The following SUN5 variants were observed in gnomAD, a reference collection of about 807,000 sequenced individuals.
The protein encoded by SUN5 is SUN domain-containing protein 5.
A neutral mutation model predicts 53.7 loss-of-function variants in SUN5; 44 were observed. The observed-to-expected ratio is 0.82, with a 90% confidence interval of 0.64 to 1.05. SUN5 has a LOEUF of 1.05. Among genes scored for constraint, SUN5 ranks in the 50% least tolerant of loss-of-function variants. SUN5 has a pLI of 0.00. For synonymous variants in SUN5, 166 were observed against 179.8 expected (o/e 0.92, Z 0.62); for missense variants, 433 against 483.8 (o/e 0.90, Z 0.98).
chr20:32,996,313 A>G lies in SUN5; in HGVS notation c.425+11T>C, dbSNP rs369447736. 1 of 1,612,788 alleles carries G rather than the reference A, an allele frequency of 6.2e-7. No individual in the cohort carries two copies. Among genetic ancestry groups the G allele is most frequent in the Non-Finnish European group, 8.5e-7 (1 of 1,179,124 alleles). ...AGGTAATAATATGGTTACCCAGAAG[A>G]TTCCTCTTACCTCAAGCTCTGCAGT... On this transcript the variant is annotated intron_variant, in intron 7 of 12. Transcript: ENST00000356173.
chr20:32,988,018 C>T (rs1340778641), intron 9 of SUN5, among the ~76,000 whole-genome samples: 2 of 152,008 alleles, frequency 1.3e-5, no homozygotes, highest in Non-Finnish European at 2.9e-5. Context: ...ATTGCAGTGG[C>T]GCGATCTTGG....
chr20:33,001,134 A>G, intron 4 of SUN5, 78 bp downstream of exon 4: 1 of 1,495,698 alleles, frequency 6.7e-7, no homozygotes, highest in Non-Finnish European at 9.1e-7. Flanking sequence ...GGAGATCCAA[A>G]CTGATGGAGG....
Position 33,004,302 on chromosome 20 carries a change from G to A in SUN5, c.39C>T (p.Ala13=). The A allele has an allele frequency of 6.3e-7, 1 of 1,578,430 alleles. No individual in the cohort carries two copies. The highest frequency in any genetic ancestry group is 8.6e-7 in the Non-Finnish European group (1 of 1,161,500). The change falls in exon 1 of 13, where the codon GCC becomes GCT. Residue 13 remains alanine, a synonymous_variant. Transcript: ENST00000356173. ...GATTGTGGGCCACATCTTCGAGTAG[G>A]GCGCCTGGGTCCCCAGGGCTCCTTG... The part of the protein sequence containing the change: ...RSSRSPGDPG[A]LLEDVAHNPR...
intron 5 of SUN5, among the ~76,000 whole-genome samples, chr20:32,998,589 G>C (rs1213549458): frequency 1.3e-5 from 2 of 152,188 alleles, no homozygotes; most frequent in East Asian, 1.9e-4. Context: ...TCCATGAAGA[G>C]CTCACAGCTC....
At chr20:33,004,135 C>T (rs1007922017) in intron 1 of SUN5, 129 bp downstream of exon 1, 10 of 1,022,258 alleles carry the variant, frequency 9.8e-6, no homozygotes, top group Middle Eastern at 3.4e-4. Context: ...ACTGCCAAAC[C>T]TCTCTGGTCT....
chr20:32,995,297 A>C (rs1989816728), intron 8 of SUN5, among the ~76,000 whole-genome samples: 1 of 152,248 alleles, frequency 6.6e-6, no homozygotes, highest in African/African-American at 2.4e-5. Context: ...ATCAATAATA[A>C]GAGTGCCATT....
chr20:33,004,323 C>T lies in SUN5; in HGVS notation c.18G>A (p.Arg6=). The change falls in exon 1 of 13, where the codon AGG becomes AGA. Residue 6 remains arginine, a synonymous_variant. Transcript: ENST00000356173. MPRSS[R]SPGDPGALLE... is the part of the protein sequence containing the mutation. ...GTAGGGCGCCTGGGTCCCCAGGGCT[C>T]CTTGAGGACCGTGGCATCGATTTCC... 6.4e-7 allele frequency: 1 copy of T among 1,570,026 alleles called. No individual in the cohort carries two copies. The highest frequency in any genetic ancestry group is 8.6e-7 in the Non-Finnish European group (1 of 1,157,170).
At chr20:32,998,577 C>A (rs754051132) in intron 5 of SUN5, among the ~76,000 whole-genome samples, 1 of 152,122 alleles carries the variant, frequency 6.6e-6, no homozygotes, top group African/African-American at 2.4e-5. Context: ...TGATAAAGAC[C>A]ATCCATGAAG....
At chr20:33,003,029 C>T (rs1188714095) in intron 1 of SUN5, 110 bp from the exon 2 acceptor site, 2 of 1,207,260 alleles carry the variant, frequency 1.7e-6, no homozygotes, top group Admixed American at 1.9e-5. Context: ...GAGAAGGTTT[C>T]CCAACACCAC....
intron 3 of SUN5, among the ~76,000 whole-genome samples, chr20:33,002,036 G>C (rs1990064315): frequency 6.6e-6 from 1 of 152,202 alleles, no homozygotes; most frequent in Non-Finnish European, 1.5e-5. Context: ...CTTGGCAAGA[G>C]CTGGGGCCTT....
intron 4 of SUN5, among the ~76,000 whole-genome samples, chr20:33,000,928 G>A (rs1470220888): frequency 6.6e-6 from 1 of 151,962 alleles, no homozygotes; most frequent in African/African-American, 2.4e-5. Flanking sequence ...CAGGGAGTGA[G>A]AACCCTGGCC....
chr20:32,988,175 C>A (rs991641568), intron 9 of SUN5, among the ~76,000 whole-genome samples: 2 of 152,182 alleles, frequency 1.3e-5, no homozygotes, highest in African/African-American at 4.8e-5. Flanking sequence ...AAGTGCCTGG[C>A]ACAGGGTAAG....
At position 32,995,596 on chromosome 20, in the gene SUN5, G is replaced by A. The variant is rs754798983; in HGVS notation, c.534+23C>T. 3.8e-6 allele frequency: 6 copies of A among 1,596,890 alleles called. No homozygotes were observed. In the African/African-American group the frequency reaches 6.7e-5, roughly 18 times the overall value. ...CAAACAAAGAGAAATTAGATGTTTG[G>A]GGCAGAATGGCCAGCGTCTCACCTC... On this transcript the variant is annotated intron_variant, in intron 8 of 12. Coordinates refer to ENST00000356173, the MANE Select transcript of SUN5 (RefSeq NM_080675.4).
Position 33,001,280 on chromosome 20 carries a change from T to C in SUN5, c.212-2A>G, listed in dbSNP as rs778595245. 5.7e-6 allele frequency: 9 copies of C among 1,571,364 alleles called. No homozygotes were observed. On this transcript the variant is annotated splice_acceptor_variant, in intron 3 of 12. Coordinates refer to ENST00000356173, the MANE Select transcript of SUN5 (RefSeq NM_080675.4). LOFTEE classifies it high-confidence loss of function. ...AGCAGGCAAAACAGGTGAACCAGGC[T>C]GCACGGGAGACAGAAAAGCAGTGAC...
chr20:32,999,859 G>A (rs1316773991), intron 5 of SUN5: 12 of 1,492,046 alleles, frequency 8.0e-6, no homozygotes, highest in East Asian at 2.5e-5. Flanking sequence ...TTCATAACAC[G>A]GTTTGGGGAG....
At chr20:32,997,152 A>C (rs1350486257) in intron 6 of SUN5, among the ~76,000 whole-genome samples, 2 of 152,188 alleles carry the variant, frequency 1.3e-5, no homozygotes, top group African/African-American at 4.8e-5. Context: ...AAGGAGGAAA[A>C]GAGGAGAGGG....
rs1568963228 is a variant in SUN5, at chr20:32,987,781, TAGG to T, written c.614-9_614-7del. The T allele has an allele frequency of 6.2e-7, 1 of 1,609,108 alleles. No homozygotes were observed. The highest frequency in any genetic ancestry group is 1.1e-5 in the South Asian group (1 of 89,690). On this transcript the variant is annotated splice_region_variant and splice_polypyrimidine_tract_variant and intron_variant, in intron 9 of 12. Transcript: ENST00000356173. ...CTCAAAGTCAATGCTGGCCCCTGTA[TAGG>T]AGAAGGGGGTCTCAGCCAAGCAGCC...
intron 5 of SUN5, among the ~76,000 whole-genome samples, chr20:32,999,290 C>T (rs1989934719): frequency 6.6e-6 from 1 of 152,106 alleles, no homozygotes; most frequent in South Asian, 2.1e-4. Flanking sequence ...TTTCTAATAG[C>T]GTCACAATAA....
chr20:32,986,060 C>CT (rs1989530774), intron 10 of SUN5, among the ~76,000 whole-genome samples, 157 bp from the exon 11 acceptor site: 1 of 152,168 alleles, frequency 6.6e-6, no homozygotes, highest in African/African-American at 2.4e-5. Flanking sequence ...GCTCTCCTGA[C>CT]TACCCATGCA....
Sources: gnomAD v4.1 joint callset for allele counts (sites outside exome capture counted in the v4.1 genomes callset) on GRCh38, gnomAD v4.1.1 for gene constraint, MANE v1.5 for transcripts, NCBI Gene and HGNC (gene_info 2026-07-23, HGNC 2026-07-21) for gene names.